The following SEMA4C variants were observed in gnomAD, a reference collection of about 807,000 sequenced individuals.
The protein encoded by SEMA4C is semaphorin-4C.
SEMA4C carries 19 observed loss-of-function variants against 89.0 expected under a neutral mutation model. The observed-to-expected ratio is 0.21, with a 90% CI of 0.15 to 0.31. SEMA4C has a LOEUF of 0.31. SEMA4C is among the 10% of genes least tolerant of loss of function. SEMA4C has a pLI of 1.00. For synonymous variants in SEMA4C, 428 were observed against 472.7 expected (o/e 0.91, Z 1.23); for missense variants, 811 against 1,107.0 (o/e 0.73, Z 3.79).
chr2:96,868,550 G>A, intron 1 of SEMA4C: 1 of 985,928 alleles, frequency 1.0e-6, no homozygotes, highest in Non-Finnish European at 1.2e-6. Flanking sequence ...GGGAGCGAAG[G>A]GGCCCAGCTT....
rs908604554 is a variant in SEMA4C at position 96,860,856 on chromosome 2, G to A, written c.2272C>T (p.Pro758Ser). 4.3e-6 allele frequency: 7 copies of A among 1,613,008 alleles called. No individual in the cohort carries two copies. In the Admixed American group the frequency reaches 8.3e-5, roughly 19 times the overall value. Residue 758 changes from proline (P) to serine (S), a missense_variant, in exon 15 of 15, where the codon CCC (proline) becomes TCC (serine). Around this residue, in one of 4 missense-constraint regions of SEMA4C, gnomAD observed 248 missense variants for 269.0 expected, o/e 0.92. Transcript: ENST00000305476. ...GHARCQPGGG[P>S]PSPPPGIPGQ... Reference sequence around the variant, plus strand: ...GGGATGCCTGGAGGTGGCGAAGGGGGCCCCCCACCGGGCTGGCACCGGGCA... The same window carrying A: ...GGGATGCCTGGAGGTGGCGAAGGGGACCCCCCACCGGGCTGGCACCGGGCA...
chr2:96,866,373 C>A lies in SEMA4C; in HGVS notation c.168G>T (p.Leu56=). ...SQTGIQDFLT[L]TLTEPTGLLY... The stretch of plus-strand genomic sequence containing the variant: ...GAAGCCCAGTGGGCTCCGTCAGCGT[C>A]AGTGTCAGGAAGTCCTGGATGCCGG... The change falls in exon 3 of 15, where the codon CTG becomes CTT. Residue 56 remains leucine, a synonymous_variant. Coordinates refer to ENST00000305476, the MANE Select transcript of SEMA4C (RefSeq NM_017789.5). The A allele has an allele frequency of 6.2e-7, 1 of 1,613,948 alleles. No homozygotes were observed. Among genetic ancestry groups the A allele is most frequent in the South Asian group, 1.1e-5 (1 of 91,088 alleles).
chr2:96,861,997 G>A lies in SEMA4C; in HGVS notation c.1444-103C>T. The A allele has an allele frequency of 7.8e-7, 1 of 1,276,384 alleles. No homozygotes were observed. Among genetic ancestry groups the A allele is most frequent in the Non-Finnish European group, 1.1e-6 (1 of 927,044 alleles). The allele number at this position is 1,276,384 out of a possible 1,614,324, so 79.1% of individuals were successfully genotyped here. A position where few individuals can be genotyped will look rare whatever the true frequency, so the allele number is the denominator to read the frequency against. On this transcript the variant is annotated intron_variant, in intron 12 of 14. Coordinates refer to ENST00000305476, the MANE Select transcript of SEMA4C (RefSeq NM_017789.5). The surrounding 1 kb of genome is among the most constrained non-coding windows in gnomAD (Gnocchi z 7.8). ...ATGGGGACAGCTTGGACTCCTGCAGGGGGCACAGCACGGGGCGCCAGAAGG... is the reference window on the plus strand; with the variant it reads ...ATGGGGACAGCTTGGACTCCTGCAGAGGGCACAGCACGGGGCGCCAGAAGG...
At position 96,865,949 on chromosome 2, in the gene SEMA4C, T is replaced by A; in HGVS notation, c.259-20A>T. ...GGAGATCTGGGGAAAGGGAAGGGGA[T>A]GTCAGCCACGTTACAGGTACGGACT... is the stretch of plus-strand genomic sequence containing the variant. On this transcript the variant is annotated intron_variant, in intron 3 of 14. Coordinates refer to ENST00000305476, the MANE Select transcript of SEMA4C (RefSeq NM_017789.5). 6.2e-7 allele frequency: 1 copy of A among 1,613,034 alleles called. No individual in the cohort carries two copies. Among genetic ancestry groups the A allele is most frequent in the Non-Finnish European group, 8.5e-7 (1 of 1,179,304 alleles).
chr2:96,864,088 T>C lies in SEMA4C; in HGVS notation c.1168A>G (p.Ile390Val). Residue 390 changes from isoleucine to valine, a missense_variant, in exon 11 of 15, where the codon ATC (isoleucine) becomes GTC (valine). This residue lies in a region of SEMA4C where 441 missense variants were observed against 664.9 expected (regional missense o/e 0.66). Coordinates refer to ENST00000305476, the MANE Select transcript of SEMA4C (RefSeq NM_017789.5). This position sits in a 1 kb window ranked among gnomAD's most constrained non-coding sequence, Gnocchi z 6.3. ...GGGTGCTTCTTGACGAAGTTGAGGA[T>C]GTTGTCGGGTAGCTCCAGGGAGCTG... is the stretch of plus-strand genomic sequence containing the variant. ...YTSSLELPDN[I>V]LNFVKKHPLM... 1 of 1,612,216 alleles carries C rather than the reference T, an allele frequency of 6.2e-7. No individual in the cohort carries two copies. The highest frequency in any genetic ancestry group is 1.1e-5 in the South Asian group (1 of 91,066).
At chr2:96,866,518 G>A (rs769838424) in intron 2 of SEMA4C, 87 bp from the exon 3 acceptor site, 6 of 1,568,580 alleles carry the variant, frequency 3.8e-6, no homozygotes, top group Non-Finnish European at 4.4e-6. Context: ...AGCACCCCAT[G>A]CCACAAGCAG....
rs772731375 is a variant in SEMA4C at position 96,865,798 on chromosome 2, G to T, written c.322-34C>A. On this transcript the variant is annotated intron_variant, in intron 4 of 14. Transcript: ENST00000305476. ...AGAAAGGTGTCCGGTTAGTGAGAGC[G>T]CGAGGGCCAGAATGGGAGGAGACGT... 5.1e-5 allele frequency: 83 copies of T among 1,613,216 alleles called. 1 individual carries two copies. Among genetic ancestry groups the T allele is most frequent in the South Asian group, 2.2e-5 (2 of 91,066 alleles).
intron 12 of SEMA4C, chr2:96,863,227 A>G (rs1047167088): frequency 1.0e-6 from 1 of 991,686 alleles, no homozygotes; most frequent in Non-Finnish European, 1.2e-6. Context: ...AACCAAAAAG[A>G]GTATTGCACA....
At chr2:96,867,953 C>T (rs2080119067) in intron 1 of SEMA4C, 30 bp from the exon 2 acceptor site, 3 of 1,610,608 alleles carry the variant, frequency 1.9e-6, no homozygotes, top group Non-Finnish European at 2.5e-6. Context: ...GGTCAGAAAT[C>T]ACAGCCAGAG....
intron 2 of SEMA4C, chr2:96,866,762 A>C (rs1574153851): frequency 4.7e-6 from 2 of 428,284 alleles, no homozygotes; most frequent in South Asian, 2.0e-5. Context: ...GGGCACCCCC[A>C]CCCCACCTTC....
In SEMA4C at chr2:96,860,392, C is replaced by T. The variant is rs2079913385; in HGVS notation, c.*234G>A. The stretch of plus-strand genomic sequence containing the variant: ...TTTTGGCGGCTGGGGTCCCGCGTGT[C>T]TGTGATTCACAGAGAGGAGGAAGAT... On this transcript the variant is annotated 3_prime_UTR_variant, in exon 15 of 15. Transcript: ENST00000305476. 3.9e-6 allele frequency: 2 copies of T among 518,690 alleles called. No homozygotes were observed. Among genetic ancestry groups the T allele is most frequent in the Non-Finnish European group, 6.8e-6 (2 of 295,580 alleles). 32.1% of individuals were successfully genotyped at this position (518,690 alleles called of 1,614,324 possible).
rs747519780 is a variant in SEMA4C at position 96,861,449 on chromosome 2, G to T, written c.1679C>A (p.Pro560His). The T allele has an allele frequency of 4.7e-5, 76 of 1,612,628 alleles. 1 individual carries two copies. The Admixed American group carries it at 6.2e-4, about 13-fold the overall frequency. Residue 560 changes from proline to histidine, a missense_variant, in exon 15 of 15, where the codon CCC becomes CAC. Around this residue, in one of 4 missense-constraint regions of SEMA4C, gnomAD observed 441 missense variants for 664.9 expected, o/e 0.66. Transcript: ENST00000305476. This position sits in a 1 kb window ranked among gnomAD's most constrained non-coding sequence, Gnocchi z 7.8. ...CNLRGSKKVR[P>H]TPKNITVVAG... ...CACCACCGTGATGTTTTTGGGAGTG[G>T]GCCTGACTGTAGTGGCAGAGAAAAC...
At chr2:96,870,828 C>T (rs1179523436), upstream of SEMA4C, 1 of 887,540 alleles carries the variant, frequency 1.1e-6, no homozygotes, top group Admixed American at 6.2e-5. Context: ...CACCAGCCTC[C>T]GCCCACAGCC....
Position 96,861,812 on chromosome 2 carries a change from C to T in SEMA4C, c.1526G>A (p.Cys509Tyr). Residue 509 changes from cysteine to tyrosine, a missense_variant, in exon 13 of 15, where the codon TGT (cysteine) becomes TAT (tyrosine). Coordinates refer to ENST00000305476, the MANE Select transcript of SEMA4C (RefSeq NM_017789.5). This position sits in a 1 kb window ranked among gnomAD's most constrained non-coding sequence, Gnocchi z 7.8. ...GCAATAGGGGTCCCGGGCGAGGACA[C>T]AGTCTGCACAGGAGCGATACTTCAT... ...DCMKYRSCADCVLARDPYCAW... is the reference protein window; with the variant it reads ...DCMKYRSCADYVLARDPYCAW... 6.2e-7 allele frequency: 1 copy of T among 1,613,028 alleles called. No homozygotes were observed. Among genetic ancestry groups the T allele is most frequent in the East Asian group, 2.2e-5 (1 of 44,888 alleles).
At chr2:96,869,558 G>A in intron 1 of SEMA4C, 1 of 985,256 alleles carries the variant, frequency 1.0e-6, no homozygotes, top group Non-Finnish European at 1.2e-6. Context: ...ATCGGGGGTG[G>A]GAGCGCCGAG....
intron 4 of SEMA4C, 37 bp from the exon 5 acceptor site, chr2:96,865,801 A>T: frequency 6.2e-7 from 1 of 1,613,600 alleles, no homozygotes; most frequent in Non-Finnish European, 8.5e-7. Context: ...TGAGAGCGCG[A>T]GGGCCAGAAT....
At chr2:96,870,233 C>T (rs1221152650), upstream of SEMA4C, 12 of 985,300 alleles carry the variant, frequency 1.2e-5, 1 homozygote, top group Admixed American at 2.5e-4. Context: ...GGGCTCGGAC[C>T]TCCGCCTCTC....
At chr2:96,867,073 C>T (rs2080090183) in intron 2 of SEMA4C, 1 of 200,458 alleles carries the variant, frequency 5.0e-6, no homozygotes, top group South Asian at 8.5e-5. Context: ...ATGCAGGGCA[C>T]TACGACATTT....
intron 2 of SEMA4C, among the ~76,000 whole-genome samples, 159 bp downstream of exon 2, chr2:96,867,617 CAG>C (rs1491538318): frequency 6.6e-6 from 1 of 152,174 alleles, no homozygotes; most frequent in Non-Finnish European, 1.5e-5. Flanking sequence ...AGAGCTCCCC[CAG>C]AGGAGGCTAA....
Sources: gnomAD v4.1 joint callset for allele counts (sites outside exome capture counted in the v4.1 genomes callset) on GRCh38, gnomAD v4.1.1 for gene constraint, gnomAD v4.1.1 regional missense constraint, Gnocchi (gnomAD v3.1) non-coding constraint, MANE v1.5 for transcripts, NCBI Gene and HGNC (gene_info 2026-07-23, HGNC 2026-07-21) for gene names.